Variants in FANCA observed in about 807,000 individuals in gnomAD.
The protein encoded by FANCA is FA complementation group A.
In FANCA, 236 loss-of-function variants were observed where a neutral mutation model predicts 194.3. That is an observed-to-expected ratio of 1.21 (90% CI 1.09 to 1.35). The LOEUF (loss-of-function observed/expected upper bound fraction) is 1.35, where lower values mean the gene tolerates loss of function less well. Among genes scored for constraint, FANCA ranks in the 40% most tolerant of loss-of-function variants. The pLI is 0.00. For missense variants in FANCA, 2,628 were observed against 1,813.9 expected (o/e 1.45, Z -8.15); for synonymous variants, 1,014 against 715.8 (o/e 1.42, Z -6.65).
chr16:89,803,294 GA>G lies in FANCA; in HGVS notation c.756del (p.Leu253Ter). The G allele has an allele frequency of 6.2e-7, 1 of 1,614,114 alleles. No homozygotes were observed. The highest frequency in any genetic ancestry group is 8.5e-7 in the Non-Finnish European group (1 of 1,180,002). ...TTTTCAGGCTCCACAGTTCTTCTCA[GA>G]TCTGAGTTTTTCTGAAATCCCCTCA... is the stretch of plus-strand genomic sequence containing the variant. ...FVLRGFQKNS[D>X]LRRTVEPEKM... On this transcript the variant is annotated frameshift_variant, in exon 8 of 43. Coordinates refer to ENST00000389301, the MANE Select transcript of FANCA (RefSeq NM_000135.4). LOFTEE classifies it high-confidence loss of function.
Position 89,739,999 on chromosome 16 carries a change from T to C in FANCA, c.3929A>G (p.Glu1310Gly). 6.2e-7 allele frequency: 1 copy of C among 1,614,162 alleles called. No homozygotes were observed. The highest frequency in any genetic ancestry group is 1.3e-5 in the African/African-American group (1 of 75,056). ...CTCAGCAGCGTGTTTCTTACCACTC[T>C]CTGTCAACTGAAAGAGTGCCAGCCA... Reference protein sequence around the residue: ...ISWLALFQLTESDLRLGRLLL... With the variant: ...ISWLALFQLTGSDLRLGRLLL... Residue 1310 changes from glutamate to glycine, a missense_variant, in exon 39 of 43, where the codon GAG becomes GGG. Coordinates refer to ENST00000389301, the MANE Select transcript of FANCA (RefSeq NM_000135.4).
chr16:89,805,076 G>A (rs1483382340), intron 7 of FANCA, among the ~76,000 whole-genome samples: 1 of 152,108 alleles, frequency 6.6e-6, no homozygotes, highest in African/African-American at 2.4e-5. Flanking sequence ...TTAAACTCAT[G>A]TCAAGGCCGA....
At position 89,810,684 on chromosome 16, in the gene FANCA, C is replaced by G. The variant is rs774274255; in HGVS notation, c.522+23G>C. ...AACATTGCCTGGAACACTGGAGAGTCAGATTTGCAATCTCAAATTTACCTG... is the reference window on the plus strand; with the variant it reads ...AACATTGCCTGGAACACTGGAGAGTGAGATTTGCAATCTCAAATTTACCTG... On this transcript the variant is annotated intron_variant, in intron 5 of 42. Transcript: ENST00000389301. The G allele has an allele frequency of 2.8e-6, 4 of 1,448,262 alleles. No homozygotes were observed. The South Asian group carries it at 4.6e-5, about 17-fold the overall frequency. 89.7% of individuals were successfully genotyped at this position (1,448,262 alleles called of 1,614,324 possible).
intron 18 of FANCA, among the ~76,000 whole-genome samples, chr16:89,779,538 G>A (rs1301176724): frequency 6.6e-6 from 1 of 151,994 alleles, no homozygotes; most frequent in Non-Finnish European, 1.5e-5. Flanking sequence ...GGCTGCTTCA[G>A]CACGGGAGGG....
rs183153766 is a variant in FANCA at position 89,770,659 on chromosome 16, C to A, written c.2152-25G>T. On this transcript the variant is annotated intron_variant, in intron 23 of 42. Coordinates refer to ENST00000389301, the MANE Select transcript of FANCA (RefSeq NM_000135.4). ...CCTGCAGAGACACAGTTCTCATGAG[C>A]GTGGTGTCCTGGGGACGGGAGCAGC... is the stretch of plus-strand genomic sequence containing the variant. 93 of 1,585,600 alleles carry A rather than the reference C, an allele frequency of 5.9e-5. No individual in the cohort carries two copies. In the African/African-American group the frequency reaches 1.2e-3, roughly 20 times the overall value.
intron 8 of FANCA, among the ~76,000 whole-genome samples, chr16:89,801,301 G>A (rs559933426): frequency 2.3e-5 from 3 of 131,764 alleles, no homozygotes; most frequent in Admixed American, 1.6e-4. Context: ...CCGAGATCGC[G>A]CCACTGCACT....
intron 25 of FANCA, 34 bp downstream of exon 25, chr16:89,770,132 C>A (rs756423323): frequency 6.4e-7 from 1 of 1,572,256 alleles, no homozygotes; most frequent in Admixed American, 1.9e-5. Context: ...CAGAGTGGGC[C>A]CCCAAGGGTG....
At chr16:89,808,146 C>G in intron 6 of FANCA, 148 bp downstream of exon 6, 1 of 761,900 alleles carries the variant, frequency 1.3e-6, no homozygotes, top group East Asian at 2.5e-5. Flanking sequence ...CAGGTCTAGT[C>G]TAGTATAAAT....
chr16:89,740,878 A>AAC lies in FANCA; in HGVS notation c.3766-14_3766-13dup, dbSNP rs770872562. 15 of 1,608,442 alleles carry AAC rather than the reference A, an allele frequency of 9.3e-6. No homozygotes were observed. The highest frequency in any genetic ancestry group is 1.3e-5 in the Non-Finnish European group (15 of 1,176,422). On this transcript the variant is annotated splice_polypyrimidine_tract_variant and intron_variant, in intron 37 of 42. Transcript: ENST00000389301. ...AGGAAAACCAATAGCTGTAAATAAA[A>AAC]ACGTGCACTTATTATTACATTAAAA...
intron 4 of FANCA, 48 bp downstream of exon 4, chr16:89,810,881 C>T (rs775505923): frequency 1.2e-6 from 2 of 1,614,142 alleles, no homozygotes; most frequent in South Asian, 2.2e-5. Flanking sequence ...TCCCAACCAG[C>T]TTAAAAGTAA....
chr16:89,755,961 G>T (rs1348408262), intron 30 of FANCA, among the ~76,000 whole-genome samples: 4 of 152,026 alleles, frequency 2.6e-5, no homozygotes, highest in Admixed American at 6.6e-5. Flanking sequence ...TAGGCCACAT[G>T]GCACGGCCCA....
At chr16:89,749,709 C>G in intron 32 of FANCA, 21 bp downstream of exon 32, 2 of 1,609,146 alleles carry the variant, frequency 1.2e-6, no homozygotes, top group Non-Finnish European at 1.7e-6. Flanking sequence ...GCTGCCCTGC[C>G]CAGGTGGTAG....
At chr16:89,770,122 C>A (rs1196915123) in intron 25 of FANCA, 44 bp downstream of exon 25, 5 of 1,571,440 alleles carry the variant, frequency 3.2e-6, no homozygotes, top group Non-Finnish European at 4.3e-6. Flanking sequence ...GCCTGGCCCT[C>A]AGAGTGGGCC....
intron 6 of FANCA, among the ~76,000 whole-genome samples, chr16:89,805,603 C>A (rs1262549692): frequency 2.0e-5 from 3 of 152,050 alleles, no homozygotes; most frequent in Non-Finnish European, 2.9e-5. Flanking sequence ...GGACAACAGG[C>A]GCATACCACC....
At chr16:89,759,994 G>A (rs574188397) in intron 29 of FANCA, among the ~76,000 whole-genome samples, 1 of 151,860 alleles carries the variant, frequency 6.6e-6, no homozygotes, top group African/African-American at 2.4e-5. Context: ...GTCCGGGACC[G>A]GGGTGCTCCA....
chr16:89,792,910 T>C (rs373661365), intron 11 of FANCA, among the ~76,000 whole-genome samples: 108 of 152,202 alleles, frequency 7.1e-4, no homozygotes, highest in Non-Finnish European at 1.2e-3. Context: ...GGAGAGGAGA[T>C]AGAGACAAAG....
chr16:89,784,479 C>G (rs17226260), intron 15 of FANCA, among the ~76,000 whole-genome samples: 1 of 151,516 alleles, frequency 6.6e-6, no homozygotes, highest in Non-Finnish European at 1.5e-5. Context: ...CAGTACAACT[C>G]GCTCTTCCTG....
In FANCA at chr16:89,760,722, C is replaced by A. The variant is rs149988364; in HGVS notation, c.2852+1227G>T. ...GGGGGTTCACTGCTTCATTTACCCACTTCTTGGTGCCCCCAAGTCAAGGCT... is the reference window on the plus strand; with the variant it reads ...GGGGGTTCACTGCTTCATTTACCCAATTCTTGGTGCCCCCAAGTCAAGGCT... On this transcript the variant is annotated intron_variant, in intron 29 of 42. Coordinates refer to ENST00000389301, the MANE Select transcript of FANCA (RefSeq NM_000135.4). Among the ~76,000 whole-genome samples, 20 of 152,320 alleles carry A rather than the reference C, an allele frequency of 1.3e-4. No homozygotes were observed. In the East Asian group the frequency reaches 3.5e-3, roughly 26 times the overall value.
intron 30 of FANCA, among the ~76,000 whole-genome samples, chr16:89,757,849 G>A (rs894907231): frequency 3.3e-5 from 5 of 152,166 alleles, no homozygotes; most frequent in African/African-American, 1.2e-4. Context: ...TGAATACCAG[G>A]TGACAGAACA....
Sources: allele counts gnomAD v4.1 joint callset (sites outside exome capture counted in the v4.1 genomes callset), GRCh38; gene constraint gnomAD v4.1.1; transcripts MANE v1.5; gene names NCBI Gene and HGNC (gene_info 2026-07-23, HGNC 2026-07-21).